EGFR: variants seen among roughly 807,000 people sequenced by gnomAD.
EGFR encodes the protein avian erythroblastic leukemia viral (v-erb-b) oncogene homolog.
EGFR carries 58 observed loss-of-function variants against 143.0 expected under a neutral mutation model. That is an observed-to-expected ratio of 0.41 (90% CI 0.33 to 0.50). EGFR has a LOEUF of 0.50. Ranked by LOEUF, EGFR falls within the 20% of genes least tolerant of loss-of-function variation. The probability of loss-of-function intolerance (pLI) is 0.39; values close to 1 mark genes in which losing one functional copy is unlikely to be tolerated. For synonymous variants in EGFR, 613 were observed against 594.4 expected, an observed-to-expected ratio of 1.03 and a Z score of -0.45; for missense variants, 1,307 against 1,579.0, an observed-to-expected ratio of 0.83 and a Z score of 2.92.
intron 1 of EGFR, among the ~76,000 whole-genome samples, chr7:55,123,484 G>A (rs1562735125): frequency 1.3e-5 from 2 of 151,930 alleles, no homozygotes; most frequent in South Asian, 2.1e-4. Flanking sequence ...CTCCTTTCTG[G>A]TCTTCCTTTT....
At chr7:55,025,581 G>T (rs1786834407) in intron 1 of EGFR, among the ~76,000 whole-genome samples, 1 of 152,198 alleles carries the variant, frequency 6.6e-6, no homozygotes, top group South Asian at 2.1e-4. Flanking sequence ...AGTCCAGGAG[G>T]CAGTAGAATA....
chr7:55,182,589 A>T (rs1035615544), intron 20 of EGFR: 1 of 152,210 alleles, frequency 6.6e-6, no homozygotes, highest in South Asian at 2.1e-4. Context: ...GCTCCTTCCC[A>T]TGGCAGAGCT....
At chr7:55,050,239 GCT>G (rs1406430045) in intron 1 of EGFR, among the ~76,000 whole-genome samples, 1 of 151,984 alleles carries the variant, frequency 6.6e-6, no homozygotes, top group East Asian at 1.9e-4. Flanking sequence ...TTAAGCAATG[GCT>G]CTGTTTTCCT....
chr7:55,072,738 C>T (rs1046710285), intron 1 of EGFR, among the ~76,000 whole-genome samples: 3 of 152,308 alleles, frequency 2.0e-5, no homozygotes, highest in Admixed American at 6.5e-5. Flanking sequence ...CTGCTTTTAA[C>T]AGTCTGCTGT....
intron 16 of EGFR, among the ~76,000 whole-genome samples, chr7:55,172,472 G>A (rs1786395884): frequency 6.6e-6 from 1 of 151,682 alleles, no homozygotes; most frequent in Non-Finnish European, 1.5e-5. Flanking sequence ...CGTTCAGAGA[G>A]TATTTCACAC....
intron 1 of EGFR, among the ~76,000 whole-genome samples, chr7:55,125,738 A>G (rs1793485844): frequency 6.6e-6 from 1 of 152,218 alleles, no homozygotes; most frequent in South Asian, 2.1e-4. Context: ...CGAAGTCCAG[A>G]GCACCTGTGC....
At chr7:55,063,719 A>G (rs1452371155) in intron 1 of EGFR, among the ~76,000 whole-genome samples, 2 of 152,152 alleles carry the variant, frequency 1.3e-5, no homozygotes, top group Non-Finnish European at 2.9e-5. Context: ...CTGCACCTCG[A>G]GAGGAGTGGA....
intron 1 of EGFR, among the ~76,000 whole-genome samples, chr7:55,101,067 C>A (rs1345592852): frequency 6.6e-6 from 1 of 152,212 alleles, no homozygotes; most frequent in Non-Finnish European, 1.5e-5. Context: ...GGCTGAGCAG[C>A]CTCCTCCGAG....
At chr7:55,109,678 C>G (rs1792346563) in intron 1 of EGFR, 1 of 955,686 alleles carries the variant, frequency 1.0e-6, no homozygotes. Context: ...AAGGGATATC[C>G]TCTCCTGGTT....
At chr7:55,164,335 C>G (rs1195889393) in intron 14 of EGFR, among the ~76,000 whole-genome samples, 2 of 152,024 alleles carry the variant, frequency 1.3e-5, no homozygotes, top group South Asian at 2.1e-4. Flanking sequence ...ACCAAATGTC[C>G]TGATGTTGTT....
chr7:55,192,011 C>A (rs1787418670), intron 21 of EGFR, 137 bp downstream of exon 21: 1 of 1,339,462 alleles, frequency 7.5e-7, no homozygotes, highest in Non-Finnish European at 1.0e-6. Context: ...GCAGCTGCTG[C>A]TGGCAGCTGG....
intron 1 of EGFR, among the ~76,000 whole-genome samples, chr7:55,067,091 G>A (rs1386119431): frequency 6.6e-6 from 1 of 152,210 alleles, no homozygotes; most frequent in Non-Finnish European, 1.5e-5. Flanking sequence ...CATCTCTCCT[G>A]CAGCACTGCT....
chr7:55,186,140 G>A (rs1787126968), intron 20 of EGFR, among the ~76,000 whole-genome samples: 1 of 152,342 alleles, frequency 6.6e-6, no homozygotes, highest in East Asian at 1.9e-4. Flanking sequence ...AAACCACGCT[G>A]ACAGATCGTG....
chr7:55,201,658 A>T (rs2128972359), intron 25 of EGFR, 77 bp from the exon 26 acceptor site: 12 of 1,561,074 alleles, frequency 7.7e-6, no homozygotes, highest in Non-Finnish European at 1.1e-5. Flanking sequence ...TCCATGAGGC[A>T]CACCACCTGC....
chr7:55,042,018 G>A (rs7798065), intron 1 of EGFR, among the ~76,000 whole-genome samples: 7,358 of 152,228 alleles, frequency 0.048, 303 homozygotes, highest in South Asian at 0.16. Flanking sequence ...CTCTGTATAT[G>A]TATTTTAAAT....
intron 1 of EGFR, among the ~76,000 whole-genome samples, chr7:55,075,970 A>G (rs1270829987): frequency 6.6e-6 from 1 of 152,248 alleles, no homozygotes; most frequent in Admixed American, 6.5e-5. Flanking sequence ...GGAAATTTCC[A>G]TTCAACTGGA....
intron 1 of EGFR, among the ~76,000 whole-genome samples, chr7:55,020,093 T>C (rs2128854597): frequency 6.6e-6 from 1 of 152,328 alleles, no homozygotes; most frequent in East Asian, 1.9e-4. Context: ...GGGGTGGTGC[T>C]GGCGGCGGTT....
chr7:55,031,222 T>C (rs1338597582), intron 1 of EGFR, among the ~76,000 whole-genome samples: 1 of 152,228 alleles, frequency 6.6e-6, no homozygotes, highest in Non-Finnish European at 1.5e-5. Flanking sequence ...AGGCCTGTGA[T>C]GACGTATCTC....
At chr7:55,132,213 TA>T (rs1562743186) in intron 1 of EGFR, among the ~76,000 whole-genome samples, 2 of 152,216 alleles carry the variant, frequency 1.3e-5, no homozygotes, top group South Asian at 4.1e-4. Context: ...CATCTTGGGC[TA>T]GGGGTGGATA....
Sources: gnomAD v4.1 joint callset for allele counts (sites outside exome capture counted in the v4.1 genomes callset) on GRCh38, gnomAD v4.1.1 for gene constraint, MANE v1.5 for transcripts, NCBI Gene and HGNC (gene_info 2026-07-23, HGNC 2026-07-21) for gene names.